PLXNA4: variants seen among roughly 807,000 people sequenced by gnomAD.
PLXNA4 encodes the protein plexin-A4.
A neutral mutation model predicts 191.8 loss-of-function variants in PLXNA4; 44 were observed. The observed-to-expected ratio is 0.23, with a 90% CI of 0.18 to 0.29. PLXNA4 has a LOEUF of 0.29. Ranked by LOEUF, PLXNA4 falls within the 10% of genes least tolerant of loss-of-function variation. The pLI is 1.00. For synonymous variants in PLXNA4, 1,082 were observed against 1,009.5 expected (o/e 1.07, Z -1.36); for missense variants, 1,800 against 2,488.8 (o/e 0.72, Z 5.89).
chr7:132,298,754 A>G (rs1801199020), intron 3 of PLXNA4, among the ~76,000 whole-genome samples: 1 of 152,236 alleles, frequency 6.6e-6, no homozygotes, highest in African/African-American at 2.4e-5. Context: ...TTGCCATTGA[A>G]ATAGTGGCTT....
intron 2 of PLXNA4, among the ~76,000 whole-genome samples, chr7:132,635,175 TATATA>T (rs1803573813): frequency 1.2e-4 from 2 of 17,204 alleles, no homozygotes; most frequent in South Asian, 2.2e-3. Context: ...CCCCTTTATA[TATATA>T]TATATATATA....
intron 3 of PLXNA4, among the ~76,000 whole-genome samples, chr7:132,429,889 A>G (rs1009091475): frequency 9.2e-5 from 14 of 152,200 alleles, no homozygotes; most frequent in African/African-American, 2.9e-4. Flanking sequence ...TCATCCTACG[A>G]GGTTTACTCA....
chr7:132,390,722 C>A (rs1219091980), intron 3 of PLXNA4, among the ~76,000 whole-genome samples: 1 of 152,076 alleles, frequency 6.6e-6, no homozygotes, highest in Non-Finnish European at 1.5e-5. Flanking sequence ...TGCCCACCAA[C>A]CACTCTCCTT....
intron 4 of PLXNA4, among the ~76,000 whole-genome samples, chr7:132,260,535 G>A (rs1283161622): frequency 6.6e-6 from 1 of 152,100 alleles, no homozygotes; most frequent in Non-Finnish European, 1.5e-5. Context: ...ATGAAAGGGG[G>A]CTGAGGGTTG....
intron 3 of PLXNA4, among the ~76,000 whole-genome samples, chr7:132,321,269 C>T (rs1452852654): frequency 2.0e-5 from 3 of 152,118 alleles, no homozygotes; most frequent in Non-Finnish European, 4.4e-5. Context: ...TGTTATTTTT[C>T]TGTCTGCCAA....
chr7:132,208,646 T>C (rs1797702836), intron 10 of PLXNA4, among the ~76,000 whole-genome samples: 1 of 152,172 alleles, frequency 6.6e-6, no homozygotes, highest in Admixed American at 6.5e-5. Flanking sequence ...GACCACTGTG[T>C]CCTGGGACAT....
intron 2 of PLXNA4, among the ~76,000 whole-genome samples, chr7:132,502,295 C>T (rs763741178): frequency 2.0e-5 from 3 of 152,120 alleles, no homozygotes; most frequent in African/African-American, 4.8e-5. Flanking sequence ...AGGAACGGCA[C>T]GTGGAAGGGG....
At chr7:132,423,471 A>T (rs1794923566) in intron 3 of PLXNA4, among the ~76,000 whole-genome samples, 1 of 152,140 alleles carries the variant, frequency 6.6e-6, no homozygotes, top group African/African-American at 2.4e-5. Context: ...TTGCTGATGG[A>T]TAAACTGAGT....
intron 3 of PLXNA4, among the ~76,000 whole-genome samples, chr7:132,443,209 G>A (rs1418648532): frequency 6.6e-6 from 1 of 152,098 alleles, no homozygotes; most frequent in Non-Finnish European, 1.5e-5. Flanking sequence ...ATGTTTGGAG[G>A]TTTTCCTTCC....
At chr7:132,492,098 A>G (rs539322972) in intron 2 of PLXNA4, among the ~76,000 whole-genome samples, 39 of 152,302 alleles carry the variant, frequency 2.6e-4, no homozygotes, top group Admixed American at 2.0e-3. Flanking sequence ...CAAACTCTGT[A>G]CATCACCCAT....
rs140924376 is a variant in PLXNA4 at position 132,130,329 on chromosome 7, C to A, written c.*150G>T. On this transcript the variant is annotated 3_prime_UTR_variant, in exon 32 of 32. Coordinates refer to ENST00000321063, the MANE Select transcript of PLXNA4 (RefSeq NM_020911.2). Reference sequence around the variant, plus strand: ...AAGAGATCCAGGAAGGAGGGAGAAACGGAAAGAGGCAGAGAGAAAGAGAGA... The same window carrying A: ...AAGAGATCCAGGAAGGAGGGAGAAAAGGAAAGAGGCAGAGAGAAAGAGAGA... The A allele has an allele frequency of 1.8e-3, 1,973 of 1,104,258 alleles. 4 individuals are homozygous for A. Among genetic ancestry groups the A allele is most frequent in the Non-Finnish European group, 2.2e-3 (1,694 of 775,720 alleles). 68.4% of individuals were successfully genotyped at this position (1,104,258 alleles called of 1,614,324 possible). A position where few individuals can be genotyped will look rare whatever the true frequency, so the allele number is the denominator to read the frequency against.
chr7:132,301,024 G>T (rs992442129), intron 3 of PLXNA4, among the ~76,000 whole-genome samples: 1 of 152,212 alleles, frequency 6.6e-6, no homozygotes, highest in Admixed American at 6.5e-5. Flanking sequence ...ACAGAGGGGT[G>T]GATGAGGAAG....
At chr7:132,624,373 T>C (rs1356566968) in intron 2 of PLXNA4, among the ~76,000 whole-genome samples, 1 of 152,150 alleles carries the variant, frequency 6.6e-6, no homozygotes, top group Non-Finnish European at 1.5e-5. Flanking sequence ...GTTGGTTAGC[T>C]CCCATGGCTA....
intron 3 of PLXNA4, among the ~76,000 whole-genome samples, chr7:132,465,393 C>T (rs571578820): frequency 1.3e-4 from 20 of 152,156 alleles, no homozygotes; most frequent in South Asian, 6.2e-4. Flanking sequence ...AGATTTTATA[C>T]AAAGAAAAGG....
chr7:132,614,162 CATTTT>C (rs2116857843), intron 2 of PLXNA4, among the ~76,000 whole-genome samples: 1 of 152,298 alleles, frequency 6.6e-6, no homozygotes, highest in African/African-American at 2.4e-5. Flanking sequence ...TTTAAAATTA[CATTTT>C]ATTTATTTAA....
At chr7:132,307,584 C>T (rs1255751343) in intron 3 of PLXNA4, among the ~76,000 whole-genome samples, 1 of 151,950 alleles carries the variant, frequency 6.6e-6, no homozygotes, top group Admixed American at 6.5e-5. Flanking sequence ...CTTTCCCTCA[C>T]TGTAACTGGG....
chr7:132,337,731 G>C (rs1274091032), intron 3 of PLXNA4, among the ~76,000 whole-genome samples: 2 of 152,190 alleles, frequency 1.3e-5, no homozygotes, highest in African/African-American at 4.8e-5. Context: ...TTCAAAAAAA[G>C]AGCAGGGCAT....
intron 3 of PLXNA4, among the ~76,000 whole-genome samples, chr7:132,327,494 C>T (rs925377360): frequency 6.6e-6 from 1 of 152,122 alleles, no homozygotes; most frequent in African/African-American, 2.4e-5. Flanking sequence ...TCTGAAGTGG[C>T]AGGTTCTTCC....
chr7:132,579,256 G>A (rs1262000380), upstream of PLXNA4, among the ~76,000 whole-genome samples: 1 of 152,148 alleles, frequency 6.6e-6, no homozygotes, highest in Non-Finnish European at 1.5e-5. Flanking sequence ...AAAGGCGCGG[G>A]GGAGACTCCT....
Sources: allele counts gnomAD v4.1 joint callset (sites outside exome capture counted in the v4.1 genomes callset), GRCh38; gene constraint gnomAD v4.1.1; transcripts MANE v1.5; gene names NCBI Gene and HGNC (gene_info 2026-07-23, HGNC 2026-07-21).